ZNF222: variants seen among roughly 807,000 people sequenced by gnomAD.
ZNF222 encodes zinc finger protein 222.
ZNF222 carries 8 observed loss-of-function variants against 11.6 expected under a neutral mutation model. The ratio of observed to expected loss-of-function variants is 0.69; its 90% CI spans 0.41 to 1.25. ZNF222 has a LOEUF of 1.25. Ranked by LOEUF, ZNF222 falls within the 50% of genes most tolerant of loss-of-function variation. ZNF222 has a pLI of 0.01. For missense variants in ZNF222, 483 were observed against 576.1 expected (o/e 0.84, Z 1.65); for synonymous variants, 171 against 195.6 (o/e 0.87, Z 1.05).
At chr19:44,029,424 G>C (rs564481640) in intron 3 of ZNF222, among the ~76,000 whole-genome samples, 1 of 152,038 alleles carries the variant, frequency 6.6e-6, no homozygotes, top group East Asian at 1.9e-4. Context: ...ATATCTATGA[G>C]CTGAATGTTG....
intron 3 of ZNF222, among the ~76,000 whole-genome samples, chr19:44,029,014 A>G (rs1033682931): frequency 6.6e-6 from 1 of 152,134 alleles, no homozygotes; most frequent in Non-Finnish European, 1.5e-5. Flanking sequence ...CTTTATTCAC[A>G]TGGATTCAAT....
At position 44,025,486 on chromosome 19, in the gene ZNF222, G is replaced by A; in HGVS notation, c.42+8G>A. ...CCTGGGCGGAGAGCAGAGGTTTGGA[G>A]GGGCGCGGGCGGGGATTGCCGTTCC... On this transcript the variant is annotated splice_region_variant and intron_variant, in intron 1 of 3. Coordinates refer to ENST00000391960, the MANE Select transcript of ZNF222 (RefSeq NM_001129996.2). This position sits in a 1 kb window ranked among gnomAD's most constrained non-coding sequence, Gnocchi z 4.6. 1 of 1,546,828 alleles carries A rather than the reference G, an allele frequency of 6.5e-7. No individual in the cohort carries two copies. Among genetic ancestry groups the A allele is most frequent in the South Asian group, 1.2e-5 (1 of 83,670 alleles).
rs1292508385 is a variant in ZNF222 at position 44,032,805 on chromosome 19, C to A, written c.1251C>A (p.Ser417Arg). 7 of 1,613,722 alleles carry A rather than the reference C, an allele frequency of 4.3e-6. No individual in the cohort carries two copies. The highest frequency in any genetic ancestry group is 5.9e-6 in the Non-Finnish European group (7 of 1,179,978). ...ATAACTGTGATAACTGCGGGAAGAG[C>A]TTTAGACATGCTTCTAGTATTTTGA... Reference protein sequence around the residue: ...RSYNCDNCGKSFRHASSILNH... With the variant: ...RSYNCDNCGKRFRHASSILNH... Residue 417 changes from serine (S) to arginine (R), a missense_variant, in exon 4 of 4, where the codon AGC becomes AGA. Coordinates refer to ENST00000391960, the MANE Select transcript of ZNF222 (RefSeq NM_001129996.2).
chr19:44,025,599 C>T lies in ZNF222; in HGVS notation c.42+121C>T, dbSNP rs1976340902. On this transcript the variant is annotated intron_variant, in intron 1 of 3. Coordinates refer to ENST00000391960, the MANE Select transcript of ZNF222 (RefSeq NM_001129996.2). This position sits in a 1 kb window ranked among gnomAD's most constrained non-coding sequence, Gnocchi z 4.6. The stretch of plus-strand genomic sequence containing the variant: ...GGCCCGGTGTGCCCTACTTTGACCT[C>T]GCTTAGTCCGCCTCCCTCCTCCCTA... 7.8e-6 allele frequency: 8 copies of T among 1,024,290 alleles called. No homozygotes were observed. The Admixed American group carries it at 8.6e-5, about 11-fold the overall frequency. The allele number at this position is 1,024,290 out of a possible 1,614,324, so 63.5% of individuals were successfully genotyped here. A position where few individuals can be genotyped will look rare whatever the true frequency, so the allele number is the denominator to read the frequency against.
At position 44,032,879 on chromosome 19, in the gene ZNF222, G is replaced by A; in HGVS notation, c.1325G>A (p.Cys442Tyr). 6.2e-7 allele frequency: 1 copy of A among 1,613,812 alleles called. No homozygotes were observed. Among genetic ancestry groups the A allele is most frequent in the Middle Eastern group, 1.7e-4 (1 of 6,056 alleles). ...CQRKPLKCED[C>Y]GKRLVCRSYC... ...AGAAAGCCATTGAAATGTGAAGACT[G>A]TGGAAAGAGGCTTGTATGCCGGTCA... Residue 442 changes from cysteine (C) to tyrosine (Y), a missense_variant, in exon 4 of 4, where the codon TGT becomes TAT. Physicochemically the swap from Cys to Tyr is radical, Grantham distance 194. Transcript: ENST00000391960.
rs1360808674 is a variant in ZNF222, at chr19:44,032,498, A to G, written c.944A>G (p.His315Arg). The change falls in exon 4 of 4, where the codon CAT becomes CGT. Residue 315 changes from histidine to arginine, a missense_variant. Coordinates refer to ENST00000391960, the MANE Select transcript of ZNF222 (RefSeq NM_001129996.2). ...SFCLRSSLNR[H>R]CMVHTAEKLY... ...TGTCTTAGGTCAAGTCTTAATAGGC[A>G]TTGCATGGTCCACACAGCAGAGAAA... The G allele has an allele frequency of 1.2e-6, 2 of 1,614,118 alleles. No individual in the cohort carries two copies. The highest frequency in any genetic ancestry group is 2.7e-5 in the African/African-American group (2 of 74,944).
chr19:44,026,992 A>G, intron 1 of ZNF222, 31 bp from the exon 2 acceptor site: 1 of 1,613,380 alleles, frequency 6.2e-7, no homozygotes, highest in Non-Finnish European at 8.5e-7. Flanking sequence ...TTTGGCCGTA[A>G]GATTGAGGTG....
Position 44,032,884 on chromosome 19 carries a change from A to G in ZNF222, c.1330A>G (p.Lys444Glu). The G allele has an allele frequency of 6.2e-7, 1 of 1,613,908 alleles. No homozygotes were observed. The highest frequency in any genetic ancestry group is 8.5e-7 in the Non-Finnish European group (1 of 1,179,986). The stretch of plus-strand genomic sequence containing the variant: ...GCCATTGAAATGTGAAGACTGTGGA[A>G]AGAGGCTTGTATGCCGGTCATACTG... ...RKPLKCEDCGKRLVCRSYCKD... is the reference protein window; with the variant it reads ...RKPLKCEDCGERLVCRSYCKD... The change falls in exon 4 of 4, where the codon AAG (lysine) becomes GAG (glutamate). Residue 444 changes from lysine to glutamate, a missense_variant. Coordinates refer to ENST00000391960, the MANE Select transcript of ZNF222 (RefSeq NM_001129996.2).
At position 44,031,827 on chromosome 19, in the gene ZNF222, C is replaced by A; in HGVS notation, c.273C>A (p.Ile91=). The A allele has an allele frequency of 6.2e-7, 1 of 1,613,248 alleles. No homozygotes were observed. The highest frequency in any genetic ancestry group is 1.1e-5 in the South Asian group (1 of 90,978). ...SQREGNLGGK[I]QTEMETVPEA... Reference sequence around the variant, plus strand: ...TCTGTGTCCTTATAGGAGGCAAGATCCAAACTGAGATGGAGACTGTTCCAG... The same window carrying A: ...TCTGTGTCCTTATAGGAGGCAAGATACAAACTGAGATGGAGACTGTTCCAG... Residue 91 remains isoleucine (I), a synonymous_variant, in exon 4 of 4, where the codon ATC becomes ATA. Transcript: ENST00000391960.
chr19:44,026,101 G>T, intron 1 of ZNF222: 1 of 1,613,182 alleles, frequency 6.2e-7, no homozygotes, highest in Non-Finnish European at 8.5e-7. Context: ...GTGATCCTTG[G>T]CTTTTTTTCT....
At chr19:44,030,878 AC>A (rs990499901) in intron 3 of ZNF222, 1 of 152,154 alleles carries the variant, frequency 6.6e-6, no homozygotes, top group African/African-American at 2.4e-5. Flanking sequence ...GAGGAGTATC[AC>A]CCCCCATGCC....
rs1262078587 is a variant in ZNF222 at position 44,031,991 on chromosome 19, G to A, written c.437G>A (p.Arg146Lys). The A allele has an allele frequency of 1.9e-6, 3 of 1,614,096 alleles. No individual in the cohort carries two copies. Among genetic ancestry groups the A allele is most frequent in the Non-Finnish European group, 2.5e-6 (3 of 1,180,036 alleles). Reference sequence around the variant, plus strand: ...GACAACCCCTCCCAGATTAAAGCAAGACTATCTACAGTTCACACAAGAGAA... The same window carrying A: ...GACAACCCCTCCCAGATTAAAGCAAAACTATCTACAGTTCACACAAGAGAA... ...QDDNPSQIKA[R>K]LSTVHTREKP... is the part of the protein sequence containing the mutation. The change falls in exon 4 of 4, where the codon AGA becomes AAA. Residue 146 changes from arginine (R) to lysine (K), a missense_variant. Physicochemically the swap from Arg to Lys is conservative, Grantham distance 26. Coordinates refer to ENST00000391960, the MANE Select transcript of ZNF222 (RefSeq NM_001129996.2).
intron 3 of ZNF222, among the ~76,000 whole-genome samples, chr19:44,029,182 TTTTGTTTTG>T (rs1976443324): frequency 5.0e-5 from 5 of 99,712 alleles, no homozygotes; most frequent in African/African-American, 2.0e-4. Context: ...TGTTGGTTTG[TTTTGTTTTG>T]TTTTTTTTTT....
At chr19:44,031,285 A>G (rs796916624) in intron 3 of ZNF222, among the ~76,000 whole-genome samples, 11 of 152,356 alleles carry the variant, frequency 7.2e-5, no homozygotes, top group African/African-American at 2.6e-4. Flanking sequence ...AGAATTTTAC[A>G]TATGAGACAT....
chr19:44,032,236 C>T lies in ZNF222; in HGVS notation c.682C>T (p.Leu228=). 6.2e-7 allele frequency: 1 copy of T among 1,614,214 alleles called. No homozygotes were observed. ...TAAGGAATTTAGTCAGAGCTCACGT[C>T]TGCAAACTCATCAAAGAGTCCACAC... ...CGKEFSQSSR[L]QTHQRVHTGE... The change falls in exon 4 of 4, where the codon CTG becomes TTG. Residue 228 remains leucine, a synonymous_variant. Transcript: ENST00000391960.
At position 44,032,491 on chromosome 19, in the gene ZNF222, A is replaced by G. The variant is rs775774464; in HGVS notation, c.937A>G (p.Asn313Asp). Residue 313 changes from asparagine to aspartate, a missense_variant, in exon 4 of 4, where the codon AAT (asparagine) becomes GAT (aspartate). Coordinates refer to ENST00000391960, the MANE Select transcript of ZNF222 (RefSeq NM_001129996.2). Reference protein sequence around the residue: ...GKSFCLRSSLNRHCMVHTAEK... With the variant: ...GKSFCLRSSLDRHCMVHTAEK... ...GAGCTTCTGTCTTAGGTCAAGTCTTAATAGGCATTGCATGGTCCACACAGC... is the reference window on the plus strand; with the variant it reads ...GAGCTTCTGTCTTAGGTCAAGTCTTGATAGGCATTGCATGGTCCACACAGC... 54 of 1,614,118 alleles carry G rather than the reference A, an allele frequency of 3.3e-5. No homozygotes were observed. Among genetic ancestry groups the G allele is most frequent in the Non-Finnish European group, 4.5e-5 (53 of 1,180,050 alleles).
chr19:44,030,176 A>T (rs939028511), intron 3 of ZNF222, among the ~76,000 whole-genome samples: 11 of 152,218 alleles, frequency 7.2e-5, no homozygotes, highest in African/African-American at 2.7e-4. Context: ...AACCCCTGGA[A>T]GGACAGCCTT....
At position 44,032,607 on chromosome 19, in the gene ZNF222, A is replaced by G; in HGVS notation, c.1053A>G (p.Lys351=). 6.2e-7 allele frequency: 1 copy of G among 1,614,206 alleles called. No homozygotes were observed. Among genetic ancestry groups the G allele is most frequent in the Admixed American group, 1.7e-5 (1 of 60,026 alleles). The change falls in exon 4 of 4, where the codon AAA becomes AAG. Residue 351 remains lysine (K), a synonymous_variant. Coordinates refer to ENST00000391960, the MANE Select transcript of ZNF222 (RefSeq NM_001129996.2). ...ATCAGATGATTCATATGGGACAGAA[A>G]CCATATAATTGTAAAGAATGTGGGA... ...HKHQMIHMGQ[K]PYNCKECGKS...
At position 44,025,410 on chromosome 19, in the gene ZNF222, C is replaced by G. The variant is rs902619884; in HGVS notation, c.-27C>G. 1 of 1,551,450 alleles carries G rather than the reference C, an allele frequency of 6.4e-7. No individual in the cohort carries two copies. The highest frequency in any genetic ancestry group is 8.7e-7 in the Non-Finnish European group (1 of 1,146,912). Reference sequence around the variant, plus strand: ...CTTGCGAGTCCTTCCGAACGAGTCTCCTTTCCTTGGGGCTCGCAACCACCC... The same window carrying G: ...CTTGCGAGTCCTTCCGAACGAGTCTGCTTTCCTTGGGGCTCGCAACCACCC... On this transcript the variant is annotated 5_prime_UTR_variant, in exon 1 of 4. Transcript: ENST00000391960. The surrounding 1 kb of genome is among the most constrained non-coding windows in gnomAD (Gnocchi z 4.6).
Sources: gnomAD v4.1 joint callset for allele counts (sites outside exome capture counted in the v4.1 genomes callset) on GRCh38, gnomAD v4.1.1 for gene constraint, Gnocchi (gnomAD v3.1) non-coding constraint, MANE v1.5 for transcripts, NCBI Gene and HGNC (gene_info 2026-07-23, HGNC 2026-07-21) for gene names.